The following SLC12A6 variants were observed in gnomAD, a reference collection of about 807,000 sequenced individuals.
SLC12A6 encodes K-Cl cotransporter 3.
In SLC12A6, 66 loss-of-function variants were observed where a neutral mutation model predicts 135.3. The ratio of observed to expected loss-of-function variants is 0.49; its 90% CI spans 0.40 to 0.60. The LOEUF is 0.60. Ranked by LOEUF, SLC12A6 falls within the 20% of genes least tolerant of loss-of-function variation. SLC12A6 has a pLI of 0.00. For missense variants in SLC12A6, 1,058 were observed against 1,452.3 expected (o/e 0.73, Z 4.41); for synonymous variants, 513 against 508.8 (o/e 1.01, Z -0.11).
At chr15:34,236,871 A>G (rs1182721162) in intron 22 of SLC12A6, 56 bp from the exon 23 acceptor site, 1 of 975,202 alleles carries the variant, frequency 1.0e-6, no homozygotes, top group Non-Finnish European at 1.7e-6. Flanking sequence ...AGAAGGATGA[A>G]CCATACATTT....
intron 2 of SLC12A6, among the ~76,000 whole-genome samples, chr15:34,282,799 A>C (rs890461081): frequency 1.3e-5 from 2 of 152,206 alleles, no homozygotes; most frequent in Non-Finnish European, 1.5e-5. Flanking sequence ...GTCATGGGGT[A>C]TTTGTTAAAC....
rs1229949240 is a variant in SLC12A6, at chr15:34,252,313, T to C, written c.1190A>G (p.Asn397Ser). 4 of 1,612,936 alleles carry C rather than the reference T, an allele frequency of 2.5e-6. No homozygotes were observed. In the South Asian group the frequency reaches 4.4e-5, roughly 18 times the overall value. The stretch of plus-strand genomic sequence containing the variant: ...TAACTTTGATGGGACTGTCATGTTG[T>C]TAATTTCCTTGGTCTTAGAGCAAAC... ...IDVCSKTKEINNMTVPSKLWG... is the reference protein window; with the variant it reads ...IDVCSKTKEISNMTVPSKLWG... The change falls in exon 10 of 26, where the codon AAC (asparagine) becomes AGC (serine). Residue 397 changes from asparagine (N) to serine (S), a missense_variant. Transcript: ENST00000354181.
Position 34,310,629 on chromosome 15 carries a change from AGTGTGTGT to A in SLC12A6, c.271+25773_271+25780del, listed in dbSNP as rs61718499. Among the ~76,000 whole-genome samples, 43 of 6,050 alleles carry A rather than the reference AGTGTGTGT, an allele frequency of 7.1e-3. 2 individuals carry two copies. The highest frequency in any genetic ancestry group is 0.02 in the South Asian group (3 of 148). The allele number at this position is 6,050 out of a possible 152,430, so 4.0% of individuals were successfully genotyped here. The stretch of plus-strand genomic sequence containing the variant: ...GGCTGGTGTTGAACTCCTGGGCTCA[AGTGTGTGT>A]GTGTGTGTGTGTGTGTGTGTGTGTG... On this transcript the variant is annotated intron_variant, in intron 2 of 25. Transcript: ENST00000354181.
At chr15:34,240,278 C>T (rs929846904) in intron 19 of SLC12A6, among the ~76,000 whole-genome samples, 1 of 152,016 alleles carries the variant, frequency 6.6e-6, no homozygotes, top group Non-Finnish European at 1.5e-5. Context: ...CATGATACCA[C>T]GTAGATTAGT....
At position 34,293,313 on chromosome 15, in the gene SLC12A6, A is replaced by T. The variant is rs188642066; in HGVS notation, c.272-17924T>A. 6.1e-3 allele frequency among the ~76,000 whole-genome samples: 933 copies of T among 152,162 alleles called. 14 individuals carry two copies. The highest frequency in any genetic ancestry group is 6.1e-3 in the Non-Finnish European group (413 of 68,004). On this transcript the variant is annotated intron_variant, in intron 2 of 25. Transcript: ENST00000354181. The stretch of plus-strand genomic sequence containing the variant: ...GGTTTTTATTTTATTTAATTAATTA[A>T]TTTATTTTTGAGACAGAGTCTCACT...
At chr15:34,243,941 C>A (rs200634221) in intron 16 of SLC12A6, 33 bp downstream of exon 16, 36 of 1,263,682 alleles carry the variant, frequency 2.8e-5, no homozygotes, top group Admixed American at 5.0e-5. Context: ...TCTCTCCAAA[C>A]GTGAGTAAAA....
At chr15:34,246,997 A>G (rs1892038080) in intron 13 of SLC12A6, among the ~76,000 whole-genome samples, 1 of 152,208 alleles carries the variant, frequency 6.6e-6, no homozygotes, top group Admixed American at 6.5e-5. Flanking sequence ...AAAGGGATCA[A>G]TATCTTAAAA....
intron 2 of SLC12A6, among the ~76,000 whole-genome samples, chr15:34,297,334 GA>G (rs1265546179): frequency 6.6e-6 from 1 of 151,632 alleles, no homozygotes; most frequent in South Asian, 2.1e-4. Flanking sequence ...CTCAATTTAA[GA>G]AAAAAATTAA....
At chr15:34,237,260 T>C (rs555443959) in intron 22 of SLC12A6, 159 bp downstream of exon 22, 5 of 612,162 alleles carry the variant, frequency 8.2e-6, no homozygotes, top group Admixed American at 6.2e-5. Flanking sequence ...ACATTCTACT[T>C]AGGGCAACAA....
intron 19 of SLC12A6, 105 bp downstream of exon 19, chr15:34,240,556 C>T (rs1891571131): frequency 3.9e-6 from 4 of 1,020,036 alleles, no homozygotes; most frequent in East Asian, 2.4e-5. Context: ...TGAGAAACCT[C>T]CTAGATCACT....
intron 2 of SLC12A6, among the ~76,000 whole-genome samples, chr15:34,321,424 A>G (rs1439538331): frequency 1.3e-5 from 2 of 152,226 alleles, no homozygotes; most frequent in Non-Finnish European, 2.9e-5. Flanking sequence ...AAAGTACAAT[A>G]CACTATCACA....
At chr15:34,283,552 G>T (rs1365288881) in intron 2 of SLC12A6, among the ~76,000 whole-genome samples, 1 of 152,010 alleles carries the variant, frequency 6.6e-6, no homozygotes, top group Non-Finnish European at 1.5e-5. Flanking sequence ...TTAGGACAGA[G>T]GAACAGCTGT....
intron 2 of SLC12A6, among the ~76,000 whole-genome samples, chr15:34,315,561 TA>T (rs1024957863): frequency 8.1e-5 from 12 of 148,462 alleles, no homozygotes; most frequent in Admixed American, 8.0e-4. Context: ...ATCCTGTCTT[TA>T]AAAAAAATAA....
chr15:34,281,984 A>G (rs1011529892), intron 2 of SLC12A6, among the ~76,000 whole-genome samples: 1 of 151,638 alleles, frequency 6.6e-6, no homozygotes, highest in Non-Finnish European at 1.5e-5. Context: ...TAGAGCCTAC[A>G]TATGCCAAAA....
Position 34,235,165 on chromosome 15 carries a change from C to G in SLC12A6, c.3361+16G>C, listed in dbSNP as rs1891168970. On this transcript the variant is annotated intron_variant, in intron 25 of 25. Coordinates refer to ENST00000354181, the MANE Select transcript of SLC12A6 (RefSeq NM_001365088.1). ...GAGATTTTCCCTACTGGAAGCCCCA[C>G]TCTTGGAAAGGATACAGTTTTCATC... The G allele has an allele frequency of 6.2e-7, 1 of 1,612,996 alleles. No homozygotes were observed. Among genetic ancestry groups the G allele is most frequent in the South Asian group, 1.1e-5 (1 of 91,054 alleles).
intron 2 of SLC12A6, among the ~76,000 whole-genome samples, chr15:34,295,156 A>G (rs1372381704): frequency 6.6e-6 from 1 of 152,188 alleles, no homozygotes; most frequent in East Asian, 1.9e-4. Flanking sequence ...TACTATCATG[A>G]TTGTTCCATT....
chr15:34,329,193 G>A (rs1187670811), intron 2 of SLC12A6, among the ~76,000 whole-genome samples: 3 of 152,162 alleles, frequency 2.0e-5, no homozygotes, highest in African/African-American at 7.2e-5. Context: ...AGCCAGAAGG[G>A]CAAGGGGAAG....
intron 2 of SLC12A6, among the ~76,000 whole-genome samples, chr15:34,284,277 CTTTTT>C (rs71415558): frequency 4.3e-5 from 4 of 92,490 alleles, no homozygotes; most frequent in Admixed American, 1.3e-4. Flanking sequence ...TGTTTCTTTT[CTTTTT>C]TTTTTTTTTT....
chr15:34,294,439 T>C (rs755129027), intron 2 of SLC12A6, among the ~76,000 whole-genome samples: 1 of 152,164 alleles, frequency 6.6e-6, no homozygotes, highest in African/African-American at 2.4e-5. Flanking sequence ...GTATTCTTAG[T>C]AGAGAGGGGG....
Sources: allele counts gnomAD v4.1 joint callset (sites outside exome capture counted in the v4.1 genomes callset), GRCh38; gene constraint gnomAD v4.1.1; transcripts MANE v1.5; gene names NCBI Gene and HGNC (gene_info 2026-07-23, HGNC 2026-07-21).